Variants in APAF1 observed in about 807,000 individuals in gnomAD.
APAF1 encodes apoptotic peptidase activating factor 1, also known as apoptotic protease-activating factor 1.
APAF1 carries 91 observed loss-of-function variants against 152.4 expected under a neutral mutation model. The ratio of observed to expected loss-of-function variants is 0.60; its 90% CI spans 0.50 to 0.71. The LOEUF (loss-of-function observed/expected upper bound fraction) is 0.71, where lower values mean the gene tolerates loss of function less well. Ranked by LOEUF, APAF1 falls within the 30% of genes least tolerant of loss-of-function variation. The probability of loss-of-function intolerance (pLI) is 0.00; values close to 1 mark genes in which losing one functional copy is unlikely to be tolerated. For synonymous variants in APAF1, 484 were observed against 494.1 expected (o/e 0.98, Z 0.27); for missense variants, 1,283 against 1,472.0 (o/e 0.87, Z 2.10).
intron 17 of APAF1, among the ~76,000 whole-genome samples, chr12:98,701,497 T>G (rs1237581578): frequency 6.6e-6 from 1 of 152,232 alleles, no homozygotes; most frequent in African/African-American, 2.4e-5. Flanking sequence ...CTCCACATCC[T>G]TGATAAAACT....
At chr12:98,656,455 G>C (rs891106373) in intron 4 of APAF1, among the ~76,000 whole-genome samples, 9 of 152,132 alleles carry the variant, frequency 5.9e-5, no homozygotes, top group African/African-American at 1.9e-4. Context: ...TAAGACATTG[G>C]CACTGATAAT....
rs771761157 is a variant in APAF1 at position 98,677,442 on chromosome 12, C to T, written c.1811C>T (p.Thr604Met). The T allele has an allele frequency of 3.0e-5, 49 of 1,613,930 alleles. No individual in the cohort carries two copies. The highest frequency in any genetic ancestry group is 2.2e-4 in the South Asian group (20 of 91,080). Residue 604 changes from threonine to methionine, a missense_variant, in exon 13 of 27, where the codon ACG becomes ATG. By Grantham distance (81) the Thr-to-Met change is moderately conservative (BLOSUM62 -1). Transcript: ENST00000551964. ...YLEWINKKNI[T>M]NLSRLVVRPH... Reference sequence around the variant, plus strand: ...GTATTTAGAAACAAAAAAAACATCACGAATCTTTCCCGCTTAGTTGTCCGC... The same window carrying T: ...GTATTTAGAAACAAAAAAAACATCATGAATCTTTCCCGCTTAGTTGTCCGC...
intron 16 of APAF1, among the ~76,000 whole-genome samples, chr12:98,688,130 A>C (rs1249659843): frequency 6.6e-6 from 1 of 152,178 alleles, no homozygotes; most frequent in Non-Finnish European, 1.5e-5. Flanking sequence ...TTAGGGAAAA[A>C]AGCTTATTCA....
chr12:98,732,698 T>C lies in APAF1; in HGVS notation c.*132T>C. 1 of 640,996 alleles carries C rather than the reference T, an allele frequency of 1.6e-6. No homozygotes were observed. Among genetic ancestry groups the C allele is most frequent in the Non-Finnish European group, 2.7e-6 (1 of 372,508 alleles). 39.7% of individuals were successfully genotyped at this position (640,996 alleles called of 1,614,324 possible). Reference sequence around the variant, plus strand: ...GTATTGCATTCATTACAAAAGTGTTTGTGGTTGGATGAATAATATTAATGT... The same window carrying C: ...GTATTGCATTCATTACAAAAGTGTTCGTGGTTGGATGAATAATATTAATGT... On this transcript the variant is annotated 3_prime_UTR_variant, in exon 27 of 27. Coordinates refer to ENST00000551964, the MANE Select transcript of APAF1 (RefSeq NM_181861.2).
At chr12:98,666,020 CTTCTCT>C (rs1219182393) in intron 8 of APAF1, among the ~76,000 whole-genome samples, 164 bp from the exon 9 acceptor site, 7 of 152,290 alleles carry the variant, frequency 4.6e-5, no homozygotes, top group African/African-American at 1.7e-4. Context: ...AAGCATCTGA[CTTCTCT>C]TTCTCTTTTC....
rs145624115 is a variant in APAF1, at chr12:98,694,829, C to T, written c.2305-4579C>T. Reference sequence around the variant, plus strand: ...CAACAAGTTGAATGGGAATTGTGAACTTTTAAATTGTGGTTTTCCTATGGG... The same window carrying T: ...CAACAAGTTGAATGGGAATTGTGAATTTTTAAATTGTGGTTTTCCTATGGG... On this transcript the variant is annotated intron_variant, in intron 16 of 26. Coordinates refer to ENST00000551964, the MANE Select transcript of APAF1 (RefSeq NM_181861.2). Among the ~76,000 whole-genome samples the T allele has an allele frequency of 2.9e-3, 440 of 150,008 alleles. 2 individuals carry two copies. Among genetic ancestry groups the T allele is most frequent in the Non-Finnish European group, 5.4e-3 (368 of 67,698 alleles).
At chr12:98,727,913 C>T (rs968209382) in intron 26 of APAF1, among the ~76,000 whole-genome samples, 1 of 150,794 alleles carries the variant, frequency 6.6e-6, no homozygotes, top group Non-Finnish European at 1.5e-5. Context: ...TGCACTGCAG[C>T]CTAGGCAACA....
chr12:98,727,440 C>T (rs547436839), intron 26 of APAF1, 124 bp downstream of exon 26: 116 of 1,103,594 alleles, frequency 1.1e-4, no homozygotes, highest in African/African-American at 2.3e-4. Flanking sequence ...GCTGCTACTC[C>T]GGAGGCTAAG....
chr12:98,685,267 C>A (rs1383707671), intron 15 of APAF1, among the ~76,000 whole-genome samples: 1 of 152,064 alleles, frequency 6.6e-6, no homozygotes, highest in Non-Finnish European at 1.5e-5. Flanking sequence ...ATAATATAAA[C>A]CCCTGTGGTA....
At chr12:98,673,188 T>C (rs573821603) in intron 12 of APAF1, among the ~76,000 whole-genome samples, 1 of 152,152 alleles carries the variant, frequency 6.6e-6, no homozygotes, top group East Asian at 1.9e-4. Context: ...GATTTAAACC[T>C]TGGATCTTGT....
chr12:98,648,669 T>C lies in APAF1; in HGVS notation c.182T>C (p.Leu61Pro), dbSNP rs2097645304. 1.2e-6 allele frequency: 2 copies of C among 1,613,762 alleles called. No individual in the cohort carries two copies. The highest frequency in any genetic ancestry group is 4.5e-5 in the East Asian group (2 of 44,852). The change falls in exon 3 of 27, where the codon CTT (leucine) becomes CCT (proline). Residue 61 changes from leucine (L) to proline (P), a missense_variant. Leu to Pro is a moderately conservative substitution (Grantham distance 98). Transcript: ENST00000551964. ...QRAAMLIKMI[L>P]KKDNDSYVSF... ...GCAGCTATGCTGATTAAAATGATAC[T>C]TAAAAAAGATAATGATTCCTACGTA...
intron 5 of APAF1, among the ~76,000 whole-genome samples, chr12:98,659,730 C>A (rs1352035704): frequency 7.8e-5 from 7 of 89,932 alleles, no homozygotes; most frequent in Non-Finnish European, 1.2e-4. Flanking sequence ...CTAGCCTGGG[C>A]AATAAGAGTG....
At chr12:98,684,729 T>C in intron 15 of APAF1, among the ~76,000 whole-genome samples, 1 of 152,092 alleles carries the variant, frequency 6.6e-6, no homozygotes, top group Admixed American at 6.5e-5. Flanking sequence ...TTTGAATAAA[T>C]GTACCACTAA....
chr12:98,698,497 C>T (rs1467627051), intron 16 of APAF1, among the ~76,000 whole-genome samples: 2 of 152,144 alleles, frequency 1.3e-5, no homozygotes, highest in African/African-American at 4.8e-5. Flanking sequence ...TTTGCATTAC[C>T]CAGATTACCT....
At position 98,659,306 on chromosome 12, in the gene APAF1, G is replaced by T. The variant is rs758924156; in HGVS notation, c.673G>T (p.Asp225Tyr). The T allele has an allele frequency of 6.2e-7, 1 of 1,614,194 alleles. No homozygotes were observed. The highest frequency in any genetic ancestry group is 8.5e-7 in the Non-Finnish European group (1 of 1,180,028). ...TCCACTTAATATTGAAGAGGCTAAA[G>T]ACCGTCTCCGCATTCTGATGCTTCG... ...RLPLNIEEAK[D>Y]RLRILMLRKH... The change falls in exon 5 of 27, where the codon GAC (aspartate) becomes TAC (tyrosine). Residue 225 changes from aspartate to tyrosine, a missense_variant. Coordinates refer to ENST00000551964, the MANE Select transcript of APAF1 (RefSeq NM_181861.2).
At chr12:98,660,066 C>A (rs533372428) in intron 5 of APAF1, among the ~76,000 whole-genome samples, 1 of 152,206 alleles carries the variant, frequency 6.6e-6, no homozygotes, top group African/African-American at 2.4e-5. Flanking sequence ...CAGGAAGGGG[C>A]CAGGGACAGT....
chr12:98,732,609 A>T lies in APAF1; in HGVS notation c.*43A>T. 1 of 1,384,366 alleles carries T rather than the reference A, an allele frequency of 7.2e-7. No individual in the cohort carries two copies. The highest frequency in any genetic ancestry group is 1.0e-6 in the Non-Finnish European group (1 of 995,020). The allele number at this position is 1,384,366 out of a possible 1,614,324, so 85.8% of individuals were successfully genotyped here. A position where few individuals can be genotyped will look rare whatever the true frequency, so the allele number is the denominator to read the frequency against. ...GTAGTTGAACTTTTTAAATTTTTGAATTGGAAAAAAATTCTAATGAAACCC... is the reference window on the plus strand; with the variant it reads ...GTAGTTGAACTTTTTAAATTTTTGATTTGGAAAAAAATTCTAATGAAACCC... On this transcript the variant is annotated 3_prime_UTR_variant, in exon 27 of 27. Coordinates refer to ENST00000551964, the MANE Select transcript of APAF1 (RefSeq NM_181861.2).
chr12:98,655,787 C>CA (rs1429688597), intron 4 of APAF1, among the ~76,000 whole-genome samples: 1 of 137,286 alleles, frequency 7.3e-6, no homozygotes, highest in Non-Finnish European at 1.6e-5. Flanking sequence ...CAAAATTTTT[C>CA]TTTTTTTTTT....
chr12:98,690,949 C>G (rs1227027216), intron 16 of APAF1, among the ~76,000 whole-genome samples: 2 of 152,162 alleles, frequency 1.3e-5, no homozygotes, highest in African/African-American at 4.8e-5. Flanking sequence ...TGGCTCATGC[C>G]TGTAATCCCA....
Sources: allele counts gnomAD v4.1 joint callset (sites outside exome capture counted in the v4.1 genomes callset), GRCh38; gene constraint gnomAD v4.1.1; transcripts MANE v1.5; gene names NCBI Gene and HGNC (gene_info 2026-07-23, HGNC 2026-07-21).